The following MPP7 variants were observed in gnomAD, a reference collection of about 807,000 sequenced individuals.
The protein encoded by MPP7 is MAGUK p55 subfamily member 7.
MPP7 carries 60 observed loss-of-function variants against 76.5 expected under a neutral mutation model. The ratio of observed to expected loss-of-function variants is 0.78; its 90% CI spans 0.64 to 0.97. The LOEUF is 0.97. Ranked by LOEUF, MPP7 falls within the 50% of genes least tolerant of loss-of-function variation. The pLI, the probability that MPP7 is intolerant of heterozygous loss-of-function variation, is 0.00. For synonymous variants in MPP7, 237 were observed against 244.5 expected (o/e 0.97, Z 0.29); for missense variants, 641 against 694.0 (o/e 0.92, Z 0.86).
rs1210056969 is a variant in MPP7, at chr10:28,051,297, G to C, written c.*2768C>G. 1 of 152,116 alleles carries C rather than the reference G, an allele frequency of 6.6e-6. No homozygotes were observed. Among genetic ancestry groups the C allele is most frequent in the Non-Finnish European group, 1.5e-5 (1 of 68,006 alleles). The allele number at this position is 152,116 out of a possible 1,614,324, so 9.4% of individuals were successfully genotyped here. On this transcript the variant is annotated 3_prime_UTR_variant, in exon 17 of 17. Coordinates refer to ENST00000683449, the MANE Select transcript of MPP7 (RefSeq NM_001318170.2). ...AGAAAGAACATAGTTTTGTAAGTCT[G>C]AGAAGGTTATGTTTGTCAGTTTCAA...
At position 28,119,631 on chromosome 10, in the gene MPP7, A is replaced by G; in HGVS notation, c.952+20T>C. On this transcript the variant is annotated intron_variant, in intron 11 of 16. Transcript: ENST00000683449. ...AAACATCAGGGTTTGGTTTCTCTGCATTCTTATTAACAAACTTACATGATT... is the reference window on the plus strand; with the variant it reads ...AAACATCAGGGTTTGGTTTCTCTGCGTTCTTATTAACAAACTTACATGATT... The G allele has an allele frequency of 6.2e-7, 1 of 1,605,442 alleles. No homozygotes were observed. Among genetic ancestry groups the G allele is most frequent in the Non-Finnish European group, 8.5e-7 (1 of 1,172,384 alleles).
intron 3 of MPP7, among the ~76,000 whole-genome samples, chr10:28,193,180 AGTTTTTTTGG>A (rs1226213136): frequency 6.6e-6 from 1 of 151,188 alleles, no homozygotes; most frequent in Non-Finnish European, 1.5e-5. Flanking sequence ...TTTGACAATG[AGTTTTTTTGG>A]GTTTTTTTGT....
intron 1 of MPP7, among the ~76,000 whole-genome samples, chr10:28,242,395 T>C (rs1485600143): frequency 5.3e-5 from 8 of 152,214 alleles, no homozygotes. Flanking sequence ...AAGCTCAATC[T>C]GAAAGACTCA....
At chr10:28,161,549 A>C (rs1177877921) in intron 3 of MPP7, among the ~76,000 whole-genome samples, 1 of 152,144 alleles carries the variant, frequency 6.6e-6, no homozygotes, top group African/African-American at 2.4e-5. Flanking sequence ...AAGAAACAAA[A>C]ACTTGTAATC....
At chr10:28,310,764 G>T (rs1040422373) in intron 2 of MPP7, among the ~76,000 whole-genome samples, 3 of 152,094 alleles carry the variant, frequency 2.0e-5, no homozygotes, top group African/African-American at 7.2e-5. Context: ...AGGACCCTCA[G>T]GTATTTTTGG....
rs542907287 is a variant in MPP7, at chr10:28,146,509, C to T, written c.315+974G>A. Among the ~76,000 whole-genome samples, 5 of 151,208 alleles carry T rather than the reference C, an allele frequency of 3.3e-5. No individual in the cohort carries two copies. In the South Asian group the frequency reaches 1.0e-3, roughly 32 times the overall value. ...CTCCGCCTCCCAGGTTCATGCCATTCTCCTGCCTCAGCCTCCCGAGTAGCT... is the reference window on the plus strand; with the variant it reads ...CTCCGCCTCCCAGGTTCATGCCATTTTCCTGCCTCAGCCTCCCGAGTAGCT... On this transcript the variant is annotated intron_variant, in intron 5 of 16. Coordinates refer to ENST00000683449, the MANE Select transcript of MPP7 (RefSeq NM_001318170.2).
intron 2 of MPP7, among the ~76,000 whole-genome samples, chr10:28,203,767 T>G (rs1016455829): frequency 1.3e-5 from 2 of 152,216 alleles, no homozygotes; most frequent in African/African-American, 4.8e-5. Flanking sequence ...AATTTCATTA[T>G]TTTATTATTG....
At chr10:28,125,194 C>A in intron 6 of MPP7, 103 bp from the exon 7 acceptor site, 8 of 967,382 alleles carry the variant, frequency 8.3e-6, no homozygotes, top group Admixed American at 6.6e-5. Flanking sequence ...AAAACAACTA[C>A]AAAAACGAAA....
intron 5 of MPP7, among the ~76,000 whole-genome samples, chr10:28,145,871 T>C (rs1275452135): frequency 1.3e-5 from 2 of 152,196 alleles, no homozygotes; most frequent in Admixed American, 1.3e-4. Context: ...TGGCCCTTCT[T>C]AATAACGTCT....
At chr10:28,174,550 C>T (rs1318704359) in intron 3 of MPP7, among the ~76,000 whole-genome samples, 18 of 152,192 alleles carry the variant, frequency 1.2e-4, no homozygotes, top group Non-Finnish European at 1.6e-4. Context: ...GCTTCTTGTA[C>T]GGTCTGCAGA....
intron 12 of MPP7, among the ~76,000 whole-genome samples, chr10:28,070,489 T>C (rs746982533): frequency 2.0e-5 from 3 of 152,230 alleles, no homozygotes; most frequent in Non-Finnish European, 4.4e-5. Context: ...ATAATGCAGA[T>C]AGTGAAAATG....
chr10:28,096,012 C>T (rs1335585378), intron 11 of MPP7, among the ~76,000 whole-genome samples: 2 of 152,134 alleles, frequency 1.3e-5, no homozygotes, highest in African/African-American at 4.8e-5. Context: ...ATCACAGACA[C>T]CGCTTATCTA....
chr10:28,220,340 C>A (rs893030444), intron 2 of MPP7, among the ~76,000 whole-genome samples: 3 of 152,124 alleles, frequency 2.0e-5, no homozygotes, highest in Non-Finnish European at 4.4e-5. Flanking sequence ...AAAATTACTT[C>A]TAAAGCTCAT....
intron 2 of MPP7, among the ~76,000 whole-genome samples, chr10:28,235,227 G>C (rs1287652814): frequency 3.3e-5 from 5 of 152,056 alleles, no homozygotes; most frequent in Non-Finnish European, 7.4e-5. Context: ...AACGGAAAAT[G>C]AAGGAAATCT....
intron 1 of MPP7, among the ~76,000 whole-genome samples, chr10:28,280,762 C>A (rs1191963308): frequency 6.6e-6 from 1 of 151,698 alleles, no homozygotes; most frequent in Non-Finnish European, 1.5e-5. Context: ...TCATCTCAGA[C>A]CCTGGGAAAG....
At chr10:28,064,822 T>C (rs7909706) in intron 13 of MPP7, among the ~76,000 whole-genome samples, 21,322 of 152,160 alleles carry the variant, frequency 0.14, 1,914 homozygotes, top group East Asian at 0.33. Flanking sequence ...GTCTTTAAAA[T>C]GAAATGTCAC....
intron 1 of MPP7, among the ~76,000 whole-genome samples, chr10:28,273,019 C>A (rs981311156): frequency 2.0e-5 from 3 of 151,922 alleles, no homozygotes; most frequent in African/African-American, 4.8e-5. Context: ...TGGGTTCAAG[C>A]GATTCTCCTG....
intron 3 of MPP7, among the ~76,000 whole-genome samples, chr10:28,167,310 C>CA (rs747188721): frequency 4.4e-5 from 3 of 67,798 alleles, no homozygotes; most frequent in African/African-American, 1.2e-4. Context: ...GGCTCTGCCT[C>CA]AAAAAAACAA....
At chr10:28,179,879 G>T (rs962783990) in intron 3 of MPP7, among the ~76,000 whole-genome samples, 35 of 152,082 alleles carry the variant, frequency 2.3e-4, no homozygotes, top group Non-Finnish European at 3.4e-4. Flanking sequence ...TTAAACAAAT[G>T]AAATTCACAA....
Sources: gnomAD v4.1 joint callset for allele counts (sites outside exome capture counted in the v4.1 genomes callset) on GRCh38, gnomAD v4.1.1 for gene constraint, MANE v1.5 for transcripts, NCBI Gene and HGNC (gene_info 2026-07-23, HGNC 2026-07-21) for gene names.